ZNF248: variants seen among roughly 807,000 people sequenced by gnomAD.
ZNF248 encodes zinc finger protein 248.
In ZNF248, 20 loss-of-function variants were observed where a neutral mutation model predicts 44.3. The observed-to-expected ratio is 0.45, with a 90% CI of 0.32 to 0.66. The LOEUF is 0.66. Among genes scored for constraint, ZNF248 ranks in the 30% least tolerant of loss-of-function variants. The probability of loss-of-function intolerance (pLI) is 0.04; values close to 1 mark genes in which losing one functional copy is unlikely to be tolerated. For missense variants in ZNF248, 654 were observed against 677.0 expected, an observed-to-expected ratio of 0.97 and a Z score of 0.38; for synonymous variants, 224 against 229.0, an observed-to-expected ratio of 0.98 and a Z score of 0.20.
intron 3 of ZNF248, among the ~76,000 whole-genome samples, chr10:37,842,073 C>A (rs2058443514): frequency 6.6e-6 from 1 of 152,126 alleles, no homozygotes; most frequent in South Asian, 2.1e-4. Flanking sequence ...AGTATTGTTT[C>A]ATTAATTGTG....
At chr10:37,848,001 T>C (rs777487886) in intron 3 of ZNF248, among the ~76,000 whole-genome samples, 29 of 152,198 alleles carry the variant, frequency 1.9e-4, no homozygotes, top group Non-Finnish European at 4.0e-4. Flanking sequence ...CAGGGCACAG[T>C]GGCTCACGCC....
rs781496407 is a variant in ZNF248 at position 37,837,699 on chromosome 10, A to G, written c.156T>C (p.Thr52=). 3.7e-6 allele frequency: 6 copies of G among 1,613,940 alleles called. No individual in the cohort carries two copies. Among genetic ancestry groups the G allele is most frequent in the Non-Finnish European group, 5.1e-6 (6 of 1,179,984 alleles). The stretch of plus-strand genomic sequence containing the variant: ...CGATCTTAAAGATCACTTCTGGTTT[A>G]GTAATGCAATACCCTGTTAAGAGAA... The part of the protein sequence containing the change: ...SNLVSVGYCI[T]KPEVIFKIEQ... Residue 52 remains threonine (T), a synonymous_variant, in exon 5 of 6, where the codon ACT becomes ACC. Transcript: ENST00000395867.
chr10:37,839,469 G>T (rs2057902201), intron 3 of ZNF248, among the ~76,000 whole-genome samples: 1 of 143,340 alleles, frequency 7.0e-6, no homozygotes, highest in Non-Finnish European at 1.6e-5. Context: ...AATAACCTGG[G>T]GGTGGTCTCA....
At chr10:37,777,255 C>T (rs900594820) in intron 6 of ZNF248, among the ~76,000 whole-genome samples, 8 of 152,138 alleles carry the variant, frequency 5.3e-5, no homozygotes, top group African/African-American at 1.7e-4. Context: ...GCAACGACCA[C>T]AAAATTATGT....
chr10:37,843,176 C>T (rs986840452), intron 3 of ZNF248, among the ~76,000 whole-genome samples: 5 of 152,168 alleles, frequency 3.3e-5, no homozygotes, highest in African/African-American at 1.2e-4. Context: ...AGCATGGTGG[C>T]TCATGCCTGT....
chr10:37,768,655 G>A, the ZNF248 span, among the ~76,000 whole-genome samples: 17 of 152,004 alleles, frequency 1.1e-4, no homozygotes, highest in African/African-American at 2.2e-4. Flanking sequence ...ACTAAATGCC[G>A]ACAAGAGAAA....
chr10:37,785,217 A>G (rs1167015081), intron 6 of ZNF248, among the ~76,000 whole-genome samples: 2 of 152,174 alleles, frequency 1.3e-5, no homozygotes, highest in African/African-American at 4.8e-5. Flanking sequence ...GACCAGTAAC[A>G]GCACAGTCCT....
chr10:37,831,727 G>T lies in ZNF248; in HGVS notation c.1628C>A (p.Thr543Lys). 1 of 1,613,290 alleles carries T rather than the reference G, an allele frequency of 6.2e-7. No individual in the cohort carries two copies. The highest frequency in any genetic ancestry group is 1.1e-5 in the South Asian group (1 of 91,078). ...SALTKHQRTHTGEKPYECNAC... is the reference protein window; with the variant it reads ...SALTKHQRTHKGEKPYECNAC... ...ATTACACTCATACGGCTTCTCCCCT[G>T]TGTGAGTCCTCTGATGTTTAGTGAG... The change falls in exon 6 of 6, where the codon ACA (threonine) becomes AAA (lysine). Residue 543 changes from threonine (T) to lysine (K), a missense_variant. Thr to Lys is a moderately conservative substitution (Grantham distance 78, BLOSUM62 -1). Coordinates refer to ENST00000395867, the MANE Select transcript of ZNF248 (RefSeq NM_021045.3).
chr10:37,839,506 A>ACAC (rs1564616869), intron 3 of ZNF248, among the ~76,000 whole-genome samples: 1,931 of 110,908 alleles, frequency 0.017, 44 homozygotes, highest in African/African-American at 0.059. Context: ...TGTATACACA[A>ACAC]ACACACACAC....
At chr10:37,819,608 A>G (rs1291490654) in intron 6 of ZNF248, 70 of 842,518 alleles carry the variant, frequency 8.3e-5, no homozygotes, top group Admixed American at 5.1e-5. Context: ...TAGTTCCCCG[A>G]TACGTAGATT....
Position 37,843,350 on chromosome 10 carries a change from G to A in ZNF248, c.16-5239C>T, listed in dbSNP as rs191009756. ...TGATGTAGGAGAATTGCTTGAACCC[G>A]GGAGGCAGAGGTTGCAGTGAGCCGA... On this transcript the variant is annotated intron_variant, in intron 3 of 5. Coordinates refer to ENST00000395867, the MANE Select transcript of ZNF248 (RefSeq NM_021045.3). Among the ~76,000 whole-genome samples the A allele has an allele frequency of 5.8e-3, 880 of 151,634 alleles. 8 individuals carry two copies. The highest frequency in any genetic ancestry group is 8.8e-3 in the Non-Finnish European group (595 of 67,878).
chr10:37,785,340 T>G (rs1335707447), intron 6 of ZNF248, among the ~76,000 whole-genome samples: 1 of 152,194 alleles, frequency 6.6e-6, no homozygotes, highest in East Asian at 1.9e-4. Context: ...TGACTTAGTG[T>G]AATCTATTGA....
At chr10:37,767,403 C>A in the ZNF248 span, among the ~76,000 whole-genome samples, 2 of 152,128 alleles carry the variant, frequency 1.3e-5, no homozygotes, top group African/African-American at 2.4e-5. Flanking sequence ...AAAGGGAAGC[C>A]CATCAGACTA....
At chr10:37,770,512 G>A in the ZNF248 span, among the ~76,000 whole-genome samples, 1 of 152,174 alleles carries the variant, frequency 6.6e-6, no homozygotes, top group Admixed American at 6.5e-5. Flanking sequence ...AGAAAAACAA[G>A]CAATGGGGGA....
chr10:37,850,699 CA>C (rs1475493627), intron 3 of ZNF248, among the ~76,000 whole-genome samples: 1 of 152,028 alleles, frequency 6.6e-6, no homozygotes, highest in Admixed American at 6.6e-5. Flanking sequence ...AAAATTTTCA[CA>C]AATTTGTTGA....
chr10:37,817,370 A>AT (rs905174441), intron 6 of ZNF248, among the ~76,000 whole-genome samples: 4 of 133,752 alleles, frequency 3.0e-5, no homozygotes, highest in South Asian at 2.2e-4. Flanking sequence ...ATGAACCTTT[A>AT]TTTTTAAAAA....
intron 6 of ZNF248, among the ~76,000 whole-genome samples, chr10:37,797,011 C>A (rs566656603): frequency 5.3e-5 from 8 of 152,112 alleles, no homozygotes; most frequent in African/African-American, 1.9e-4. Flanking sequence ...ATTATAACAT[C>A]TAATAGTAAT....
intron 6 of ZNF248, among the ~76,000 whole-genome samples, chr10:37,809,464 G>A (rs567254597): frequency 2.0e-5 from 3 of 152,190 alleles, no homozygotes; most frequent in South Asian, 4.2e-4. Context: ...TTTTAGTAGA[G>A]ACAGGGTTTC....
At chr10:37,811,190 T>G (rs537256521) in intron 6 of ZNF248, among the ~76,000 whole-genome samples, 1 of 152,198 alleles carries the variant, frequency 6.6e-6, no homozygotes, top group Non-Finnish European at 1.5e-5. Flanking sequence ...GCAGCTGTGG[T>G]TACCCACTGT....
Sources: allele counts gnomAD v4.1 joint callset (sites outside exome capture counted in the v4.1 genomes callset), GRCh38; gene constraint gnomAD v4.1.1; transcripts MANE v1.5; gene names NCBI Gene and HGNC (gene_info 2026-07-23, HGNC 2026-07-21).